CHN2: variants seen among roughly 807,000 people sequenced by gnomAD.
The protein encoded by CHN2 is beta-chimaerin.
CHN2 carries 35 observed loss-of-function variants against 56.3 expected under a neutral mutation model. The ratio of observed to expected loss-of-function variants is 0.62; its 90% CI spans 0.47 to 0.82. The LOEUF (loss-of-function observed/expected upper bound fraction) is 0.82. CHN2 is among the 40% of genes least tolerant of loss of function. The probability of loss-of-function intolerance (pLI) is 0.00; values close to 1 mark genes in which losing one functional copy is unlikely to be tolerated. For synonymous variants in CHN2, 210 were observed against 212.8 expected, an observed-to-expected ratio of 0.99 and a Z score of 0.12; for missense variants, 491 against 580.5, an observed-to-expected ratio of 0.85 and a Z score of 1.58.
intron 1 of CHN2, among the ~76,000 whole-genome samples, chr7:29,325,358 C>A (rs1795717927): frequency 6.6e-6 from 1 of 152,186 alleles, no homozygotes; most frequent in Non-Finnish European, 1.5e-5. Flanking sequence ...TTCATCACGC[C>A]TTGGGGTCTG....
intron 5 of CHN2, among the ~76,000 whole-genome samples, chr7:29,399,402 C>G (rs1306327286): frequency 6.6e-6 from 1 of 152,194 alleles, no homozygotes; most frequent in Non-Finnish European, 1.5e-5. Flanking sequence ...CATGACCCTT[C>G]AGGCCAATGA....
At chr7:29,486,180 G>A (rs1202837625) in intron 7 of CHN2, among the ~76,000 whole-genome samples, 10 of 152,192 alleles carry the variant, frequency 6.6e-5, no homozygotes. Context: ...GTGGAGTGGG[G>A]ATTTTTGTCT....
chr7:29,252,584 T>TTGTTTTGTTTTGTTTTG (rs1788682837), intron 1 of CHN2, among the ~76,000 whole-genome samples: 1 of 22,428 alleles, frequency 4.5e-5, no homozygotes, highest in African/African-American at 3.5e-4. Flanking sequence ...CTTTGTTTTT[T>TTGTTTTGTTTTGTTTTG]TTTTTTTTTT....
At chr7:29,485,316 A>G (rs1787831041) in intron 7 of CHN2, among the ~76,000 whole-genome samples, 1 of 152,036 alleles carries the variant, frequency 6.6e-6, no homozygotes, top group African/African-American at 2.4e-5. Flanking sequence ...AAAAAAAAAA[A>G]TTGAGACTTT....
chr7:29,182,335 C>G (rs1798163633), intron 2 of CHN2, among the ~76,000 whole-genome samples: 1 of 152,064 alleles, frequency 6.6e-6, no homozygotes, highest in East Asian at 1.9e-4. Context: ...TTCCACCTAC[C>G]AATAATGAAA....
chr7:29,450,958 A>C (rs576776071), intron 6 of CHN2, among the ~76,000 whole-genome samples: 32 of 152,150 alleles, frequency 2.1e-4, no homozygotes, highest in Admixed American at 1.7e-3. Flanking sequence ...TTTAGTAGAG[A>C]TAGGGTTTCA....
At chr7:29,205,990 C>T (rs1321775806) in intron 1 of CHN2, among the ~76,000 whole-genome samples, 2 of 152,266 alleles carry the variant, frequency 1.3e-5, no homozygotes, top group South Asian at 2.1e-4. Flanking sequence ...TTCATTCCCT[C>T]CTTCCAAAGG....
chr7:29,439,477 C>A (rs1348690656), intron 6 of CHN2, among the ~76,000 whole-genome samples: 1 of 152,148 alleles, frequency 6.6e-6, no homozygotes. Flanking sequence ...AAGATCTTTC[C>A]ATTCTTGCGT....
intron 1 of CHN2, among the ~76,000 whole-genome samples, chr7:29,284,603 C>T (rs545559279): frequency 8.5e-5 from 13 of 152,312 alleles, no homozygotes; most frequent in African/African-American, 2.9e-4. Flanking sequence ...CCTCAGTCAT[C>T]AGTCTCAGCG....
intron 4 of CHN2, among the ~76,000 whole-genome samples, chr7:29,394,072 G>T (rs1020338463): frequency 1.3e-5 from 2 of 152,066 alleles, no homozygotes; most frequent in Non-Finnish European, 2.9e-5. Flanking sequence ...GTCCAAGATG[G>T]TACACTGTAT....
At chr7:29,195,025 C>T in intron 1 of CHN2, 35 bp downstream of exon 1, 1 of 1,577,344 alleles carries the variant, frequency 6.3e-7, no homozygotes, top group Non-Finnish European at 8.6e-7. Context: ...GCTGCCGCGC[C>T]GGGTCTCGCC....
chr7:29,219,851 G>A (rs966921919), intron 1 of CHN2, among the ~76,000 whole-genome samples: 7 of 152,032 alleles, frequency 4.6e-5, no homozygotes, highest in South Asian at 2.1e-4. Flanking sequence ...CGAGGTGGGC[G>A]GATCACCACG....
intron 7 of CHN2, among the ~76,000 whole-genome samples, chr7:29,494,724 T>G (rs1386918995): frequency 6.6e-6 from 1 of 152,162 alleles, no homozygotes; most frequent in African/African-American, 2.4e-5. Flanking sequence ...TGCTCTTTTT[T>G]ATTTATTAAC....
At chr7:29,327,154 G>C (rs1036872137) in intron 1 of CHN2, among the ~76,000 whole-genome samples, 1 of 152,188 alleles carries the variant, frequency 6.6e-6, no homozygotes, top group Non-Finnish European at 1.5e-5. Context: ...GATAATGCTG[G>C]AGAGAGGGAT....
chr7:29,247,227 T>TG (rs1199023517), intron 1 of CHN2, among the ~76,000 whole-genome samples: 1 of 152,160 alleles, frequency 6.6e-6, no homozygotes, highest in South Asian at 2.1e-4. Context: ...CATCTGAGCT[T>TG]GGGGACTGAG....
intron 1 of CHN2, among the ~76,000 whole-genome samples, chr7:29,300,484 A>G (rs1184358367): frequency 1.3e-5 from 2 of 152,104 alleles, no homozygotes; most frequent in African/African-American, 4.8e-5. Flanking sequence ...TCTTGGGAAA[A>G]CATTGCCCTT....
intron 6 of CHN2, chr7:29,401,094 C>T (rs541883544): frequency 5.3e-6 from 2 of 380,366 alleles, no homozygotes; most frequent in African/African-American, 2.1e-5. Flanking sequence ...CGGTGAAACC[C>T]CGTCTCTACA....
chr7:29,354,495 A>G (rs1798133328), intron 1 of CHN2, 130 bp from the exon 2 acceptor site: 5 of 767,604 alleles, frequency 6.5e-6, no homozygotes, highest in Non-Finnish European at 1.1e-5. Context: ...TGCTCCCTAA[A>G]TGAGAAGAGA....
At chr7:29,370,467 A>G (rs1423021346) in intron 3 of CHN2, among the ~76,000 whole-genome samples, 1 of 152,062 alleles carries the variant, frequency 6.6e-6, no homozygotes, top group Non-Finnish European at 1.5e-5. Context: ...ACGTTTTCCT[A>G]TTACATCTCA....
Sources: gnomAD v4.1 joint callset for allele counts (sites outside exome capture counted in the v4.1 genomes callset) on GRCh38, gnomAD v4.1.1 for gene constraint, MANE v1.5 for transcripts, NCBI Gene and HGNC (gene_info 2026-07-23, HGNC 2026-07-21) for gene names.